The following MAP2K1 variants were observed in gnomAD, a reference collection of about 807,000 sequenced individuals.
MAP2K1 encodes mitogen-activated protein kinase kinase 1.
A neutral mutation model predicts 46.3 loss-of-function variants in MAP2K1; 16 were observed. The observed-to-expected ratio is 0.35, with a 90% CI of 0.23 to 0.52. The LOEUF is 0.52. Ranked by LOEUF, MAP2K1 falls within the 20% of genes least tolerant of loss-of-function variation. MAP2K1 has a pLI of 0.94. For synonymous variants in MAP2K1, 183 were observed against 185.6 expected (o/e 0.99, Z 0.11); for missense variants, 263 against 497.1 (o/e 0.53, Z 4.48).
chr15:66,481,253 C>G (rs1279366031), intron 5 of MAP2K1, among the ~76,000 whole-genome samples: 2 of 152,102 alleles, frequency 1.3e-5, no homozygotes, highest in Non-Finnish European at 2.9e-5. Flanking sequence ...AGAAAAAGAC[C>G]CACATGCTCC....
chr15:66,471,207 A>G (rs940118904), intron 5 of MAP2K1, among the ~76,000 whole-genome samples: 3 of 152,126 alleles, frequency 2.0e-5, no homozygotes, highest in Non-Finnish European at 4.4e-5. Context: ...CACAGGGGCC[A>G]TGTTATGTAG....
In MAP2K1 at chr15:66,489,740, A is replaced by C. The variant is rs1595888749; in HGVS notation, c.1045A>C (p.Arg349=). Residue 349 remains arginine, a synonymous_variant, in exon 10 of 11, where the codon AGA becomes CGA. Transcript: ENST00000307102. ...AAGCTTAATAAAAAACCCCGCAGAG[A>C]GAGCAGATTTGAAGCAACTCATGGT... is the stretch of plus-strand genomic sequence containing the variant. The part of the protein sequence containing the change: ...NKCLIKNPAE[R]ADLKQLMVHA... 6.2e-7 allele frequency: 1 copy of C among 1,613,984 alleles called. No homozygotes were observed.
Position 66,387,119 on chromosome 15 carries a change from G to C in MAP2K1, c.-229G>C, listed in dbSNP as rs1410003858. The C allele has an allele frequency of 2.2e-6, 1 of 449,224 alleles. No individual in the cohort carries two copies. The highest frequency in any genetic ancestry group is 3.9e-6 in the Non-Finnish European group (1 of 254,786). The allele number at this position is 449,224 out of a possible 1,614,324, so 27.8% of individuals were successfully genotyped here. A position where few individuals can be genotyped will look rare whatever the true frequency, so the allele number is the denominator to read the frequency against. On this transcript the variant is annotated 5_prime_UTR_variant, in exon 1 of 11. Transcript: ENST00000307102. The stretch of plus-strand genomic sequence containing the variant: ...CTCCGCTCCTGCAGGGCAGCCTTTC[G>C]GCTCTCTGCGCGCGAAGCCGAGTCC...
rs534493679 is a variant in MAP2K1, at chr15:66,445,124, C to A, written c.568+417C>A. On this transcript the variant is annotated intron_variant, in intron 5 of 10. Transcript: ENST00000307102. Reference sequence around the variant, plus strand: ...CAGTGGCTCATGCCTATAATCCCAGCACTTTGGGAGGCCGAGGGGCAGCGG... The same window carrying A: ...CAGTGGCTCATGCCTATAATCCCAGAACTTTGGGAGGCCGAGGGGCAGCGG... 2.0e-4 allele frequency among the ~76,000 whole-genome samples: 26 copies of A among 126,956 alleles called. No individual in the cohort carries two copies. In the East Asian group the frequency reaches 6.2e-3, roughly 30 times the overall value. The allele number at this position is 126,956 out of a possible 152,430, so 83.3% of individuals were successfully genotyped here. A position where few individuals can be genotyped will look rare whatever the true frequency, so the allele number is the denominator to read the frequency against.
chr15:66,429,675 C>CAT (rs1272329851), intron 1 of MAP2K1, among the ~76,000 whole-genome samples: 1 of 53,588 alleles, frequency 1.9e-5, no homozygotes, highest in African/African-American at 8.7e-5. Flanking sequence ...CCCCCCCCCC[C>CAT]CCCGTCCCCC....
intron 7 of MAP2K1, among the ~76,000 whole-genome samples, chr15:66,486,450 T>A (rs78535400): frequency 0.016 from 2,413 of 152,242 alleles, 58 homozygotes; most frequent in African/African-American, 0.055. Context: ...TGCCTAGCAT[T>A]ATATAATTTT....
intron 1 of MAP2K1, among the ~76,000 whole-genome samples, chr15:66,389,313 T>C (rs1444915783): frequency 1.3e-5 from 2 of 152,222 alleles, no homozygotes; most frequent in African/African-American, 2.4e-5. Context: ...CTGAGTGTTA[T>C]GGCCTCATTA....
intron 1 of MAP2K1, among the ~76,000 whole-genome samples, chr15:66,393,634 A>G (rs12914597): frequency 0.056 from 8,557 of 152,254 alleles, 346 homozygotes; most frequent in Middle Eastern, 0.11. Context: ...ATTGTTTACA[A>G]AATCTTTACC....
intron 5 of MAP2K1, among the ~76,000 whole-genome samples, chr15:66,452,912 G>A (rs1480787129): frequency 6.6e-6 from 1 of 152,136 alleles, no homozygotes; most frequent in African/African-American, 2.4e-5. Context: ...CTTCAAATCT[G>A]GGAACATGTC....
In MAP2K1 at chr15:66,404,243, C is replaced by T. The variant is rs550053988; in HGVS notation, c.80+16816C>T. Among the ~76,000 whole-genome samples, 11 of 152,268 alleles carry T rather than the reference C, an allele frequency of 7.2e-5. No individual in the cohort carries two copies. In the South Asian group the frequency reaches 1.7e-3, roughly 23 times the overall value. On this transcript the variant is annotated intron_variant, in intron 1 of 10. Coordinates refer to ENST00000307102, the MANE Select transcript of MAP2K1 (RefSeq NM_002755.4). ...TGGCGTGTGTCTGTAGTCCCAGCCA[C>T]TCGGGGGCTGAGGCAGGAGAATCAC...
chr15:66,489,100 T>C, intron 8 of MAP2K1, 115 bp from the exon 9 acceptor site: 1 of 817,884 alleles, frequency 1.2e-6, no homozygotes, highest in Non-Finnish European at 2.1e-6. Flanking sequence ...GCCTTTGGAC[T>C]GCAGAGAAGA....
At chr15:66,482,932 T>G (rs1303162695) in intron 6 of MAP2K1, among the ~76,000 whole-genome samples, 1 of 152,078 alleles carries the variant, frequency 6.6e-6, no homozygotes, top group Non-Finnish European at 1.5e-5. Flanking sequence ...GATCTTAACT[T>G]GTACAAAGCA....
At chr15:66,478,012 C>G (rs1174277617) in intron 5 of MAP2K1, among the ~76,000 whole-genome samples, 1 of 152,018 alleles carries the variant, frequency 6.6e-6, no homozygotes, top group African/African-American at 2.4e-5. Context: ...CATGCCTCGG[C>G]TGAAGTGTTT....
At chr15:66,465,490 C>T (rs551797712) in intron 5 of MAP2K1, among the ~76,000 whole-genome samples, 20 of 152,250 alleles carry the variant, frequency 1.3e-4, no homozygotes, top group East Asian at 5.8e-4. Context: ...ATAACATAAC[C>T]GATTAGGTCA....
Position 66,489,701 on chromosome 15 carries a change from G to T in MAP2K1, c.1023-17G>T, listed in dbSNP as rs759861076. 1 of 1,609,350 alleles carries T rather than the reference G, an allele frequency of 6.2e-7. No individual in the cohort carries two copies. Among genetic ancestry groups the T allele is most frequent in the Non-Finnish European group, 8.5e-7 (1 of 1,175,788 alleles). On this transcript the variant is annotated splice_polypyrimidine_tract_variant and intron_variant, in intron 9 of 10. Transcript: ENST00000307102. ...AGTGCCAGGCAACAGCTCTTACCTT[G>T]TCTTTCTTCCTTTAAGCTTAATAAA... is the stretch of plus-strand genomic sequence containing the variant.
intron 5 of MAP2K1, among the ~76,000 whole-genome samples, chr15:66,478,339 CATATATGTTAAATATATATACACACAT>C (rs1161414490): frequency 4.2e-5 from 6 of 141,378 alleles, no homozygotes; most frequent in Non-Finnish European, 7.5e-5. Flanking sequence ...TATATACACA[CATATATGTTAAATATATATACACACAT>C]ATATGTTAAA....
intron 3 of MAP2K1, among the ~76,000 whole-genome samples, chr15:66,438,362 C>T (rs11632885): frequency 0.2 from 30,947 of 152,094 alleles, 3,840 homozygotes; most frequent in Middle Eastern, 0.32. Context: ...GCTGGGATTA[C>T]AGGCATGAGC....
intron 1 of MAP2K1, among the ~76,000 whole-genome samples, chr15:66,391,207 A>G (rs1566993082): frequency 6.6e-6 from 1 of 152,048 alleles, no homozygotes; most frequent in Non-Finnish European, 1.5e-5. Flanking sequence ...CTGAGCTTTT[A>G]ATAAGACTTA....
At chr15:66,470,747 G>A (rs1892612499) in intron 5 of MAP2K1, among the ~76,000 whole-genome samples, 1 of 152,118 alleles carries the variant, frequency 6.6e-6, no homozygotes. Context: ...ATCCCTTGGT[G>A]GTTACCAAAA....
Sources: gnomAD v4.1 joint callset for allele counts (sites outside exome capture counted in the v4.1 genomes callset) on GRCh38, gnomAD v4.1.1 for gene constraint, MANE v1.5 for transcripts, NCBI Gene and HGNC (gene_info 2026-07-23, HGNC 2026-07-21) for gene names.